MYO6: variants seen among roughly 807,000 people sequenced by gnomAD.
The protein encoded by MYO6 is unconventional myosin-VI.
Under a neutral mutation model 178.7 loss-of-function variants are expected in MYO6, and 74 were observed. That is an observed-to-expected ratio of 0.41 (90% confidence interval 0.34 to 0.50). The LOEUF is 0.50. Among genes scored for constraint, MYO6 ranks in the 20% least tolerant of loss-of-function variants. The probability of loss-of-function intolerance (pLI) is 0.09; values close to 1 mark genes in which losing one functional copy is unlikely to be tolerated. For missense variants in MYO6, 1,330 were observed against 1,547.4 expected (o/e 0.86, Z 2.36); for synonymous variants, 477 against 504.6 (o/e 0.95, Z 0.73).
rs1252268827 is a variant in MYO6, at chr6:75,877,225, G to A, written c.2078-2595G>A. 5.3e-5 allele frequency among the ~76,000 whole-genome samples: 8 copies of A among 151,354 alleles called. No homozygotes were observed. The East Asian group carries it at 5.8e-4, about 11-fold the overall frequency. On this transcript the variant is annotated intron_variant, in intron 20 of 34. Coordinates refer to ENST00000369977, the MANE Select transcript of MYO6 (RefSeq NM_004999.4). ...TGACCTCAGGTGATCCGCCTGCCTC[G>A]GCCTCCCAAAGTGCTGGGATTACAG...
intron 20 of MYO6, among the ~76,000 whole-genome samples, chr6:75,878,752 A>G (rs1328076431): frequency 6.6e-6 from 1 of 152,202 alleles, no homozygotes; most frequent in Non-Finnish European, 1.5e-5. Context: ...CGTTTGTCAT[A>G]ATACTATTTA....
chr6:75,753,219 C>T (rs142882274), intron 1 of MYO6, among the ~76,000 whole-genome samples: 2 of 152,026 alleles, frequency 1.3e-5, no homozygotes, highest in African/African-American at 4.8e-5. Context: ...GCTACCATTA[C>T]GGATTTTTTT....
chr6:75,842,050 CAT>C (rs1774284235), intron 9 of MYO6, among the ~76,000 whole-genome samples: 1 of 152,146 alleles, frequency 6.6e-6, no homozygotes, highest in South Asian at 2.1e-4. Context: ...ATAAAGGACA[CAT>C]GATTGAATTT....
At chr6:75,874,794 G>T (rs922110954) in intron 20 of MYO6, among the ~76,000 whole-genome samples, 3 of 152,086 alleles carry the variant, frequency 2.0e-5, no homozygotes, top group African/African-American at 7.2e-5. Flanking sequence ...CCAAGAATAG[G>T]TTATTGTTGC....
chr6:75,762,178 G>A (rs572601281), intron 1 of MYO6, among the ~76,000 whole-genome samples: 1 of 152,218 alleles, frequency 6.6e-6, no homozygotes, highest in African/African-American at 2.4e-5. Flanking sequence ...CTCATGATCC[G>A]CCTGCCTCGG....
intron 1 of MYO6, among the ~76,000 whole-genome samples, chr6:75,759,005 G>A (rs1208245446): frequency 6.6e-6 from 1 of 151,856 alleles, no homozygotes; most frequent in South Asian, 2.1e-4. Flanking sequence ...GAGTAGCTGG[G>A]ATCACAGGCA....
chr6:75,869,807 G>A (rs901886684), intron 18 of MYO6, among the ~76,000 whole-genome samples: 4 of 152,070 alleles, frequency 2.6e-5, no homozygotes, highest in Non-Finnish European at 4.4e-5. Context: ...TAACTGAAAT[G>A]TAAAATGTTT....
chr6:75,917,566 A>G lies in MYO6; in HGVS notation c.*2554A>G, dbSNP rs996841907. 6.6e-6 allele frequency: 1 copy of G among 152,250 alleles called. No individual in the cohort carries two copies. The allele number at this position is 152,250 out of a possible 1,614,324, so 9.4% of individuals were successfully genotyped here. A position where few individuals can be genotyped will look rare whatever the true frequency, so the allele number is the denominator to read the frequency against. On this transcript the variant is annotated 3_prime_UTR_variant, in exon 35 of 35. Transcript: ENST00000369977. ...GATGGCACCTTCTCAGAGGATTGTG[A>G]AAATATGAGGAAGAAACAAAACAGT...
chr6:75,841,381 A>G lies in MYO6; in HGVS notation c.816+3A>G. The G allele has an allele frequency of 6.2e-7, 1 of 1,613,006 alleles. No individual in the cohort carries two copies. The highest frequency in any genetic ancestry group is 8.5e-7 in the Non-Finnish European group (1 of 1,179,796). ...TGAGTTCACCAGATAATTTTCGGGT[A>G]GGTCAGAAGAAAAGAAATTTCATAT... On this transcript the variant is annotated splice_donor_region_variant and intron_variant, in intron 9 of 34. Coordinates refer to ENST00000369977, the MANE Select transcript of MYO6 (RefSeq NM_004999.4).
chr6:75,760,386 C>T (rs1777838087), intron 1 of MYO6, among the ~76,000 whole-genome samples: 1 of 151,998 alleles, frequency 6.6e-6, no homozygotes, highest in African/African-American at 2.4e-5. Context: ...ATACTCCCCC[C>T]AAAACAATTA....
intron 4 of MYO6, among the ~76,000 whole-genome samples, chr6:75,830,103 T>TC (rs1456437006): frequency 1.3e-5 from 2 of 152,152 alleles, no homozygotes; most frequent in Non-Finnish European, 2.9e-5. Context: ...TGATGCCATG[T>TC]CCCTGAGGAA....
chr6:75,770,609 C>T (rs1765781556), intron 1 of MYO6, among the ~76,000 whole-genome samples: 2 of 152,050 alleles, frequency 1.3e-5, no homozygotes, highest in East Asian at 1.9e-4. Flanking sequence ...CCTGAGTAGC[C>T]GGGATTACAA....
At chr6:75,852,009 A>G (rs942771724) in intron 11 of MYO6, among the ~76,000 whole-genome samples, 5 of 152,168 alleles carry the variant, frequency 3.3e-5, no homozygotes, top group African/African-American at 1.2e-4. Flanking sequence ...TGTTATTATA[A>G]GAAACTTTAA....
intron 1 of MYO6, among the ~76,000 whole-genome samples, chr6:75,781,414 C>T (rs149430180): frequency 3.3e-5 from 5 of 152,214 alleles, no homozygotes; most frequent in Non-Finnish European, 5.9e-5. Context: ...CTTCAGTGGC[C>T]TTTGTGCACA....
In MYO6 at chr6:75,776,707, A is replaced by C. The variant is rs1583037678; in HGVS notation, c.-48+27284A>C. Reference sequence around the variant, plus strand: ...GTATGTGTTTTGGTAGAGATGGGGTAGTGCTGTGTTTCCCAGGCTGGTCTC... The same window carrying C: ...GTATGTGTTTTGGTAGAGATGGGGTCGTGCTGTGTTTCCCAGGCTGGTCTC... On this transcript the variant is annotated intron_variant, in intron 1 of 34. Coordinates refer to ENST00000369977, the MANE Select transcript of MYO6 (RefSeq NM_004999.4). 2.0e-5 allele frequency among the ~76,000 whole-genome samples: 3 copies of C among 149,802 alleles called. No individual in the cohort carries two copies. The East Asian group carries it at 5.9e-4, about 29-fold the overall frequency.
chr6:75,841,501 C>A, intron 9 of MYO6, 123 bp downstream of exon 9: 2 of 869,404 alleles, frequency 2.3e-6, no homozygotes, highest in South Asian at 1.6e-5. Flanking sequence ...GCAGCCTGGG[C>A]AATGTAGCGA....
intron 1 of MYO6, among the ~76,000 whole-genome samples, chr6:75,780,538 T>A (rs1562146729): frequency 1.3e-5 from 2 of 152,248 alleles, no homozygotes; most frequent in Non-Finnish European, 1.5e-5. Flanking sequence ...AGGTATATGC[T>A]GGATTTGAAG....
intron 11 of MYO6, among the ~76,000 whole-genome samples, chr6:75,850,071 C>G (rs1775117239): frequency 6.6e-6 from 1 of 152,034 alleles, no homozygotes; most frequent in Non-Finnish European, 1.5e-5. Context: ...GAAGAAAACA[C>G]ATGCACAAAT....
Position 75,778,796 on chromosome 6 carries a change from C to A in MYO6, c.-48+29373C>A, listed in dbSNP as rs867107715. On this transcript the variant is annotated intron_variant, in intron 1 of 34. Coordinates refer to ENST00000369977, the MANE Select transcript of MYO6 (RefSeq NM_004999.4). ...TGGAGGCCAGCTGCAGTGGCTCACG[C>A]CTGTAATCCCAGTATTTTGAGAGGC... Among the ~76,000 whole-genome samples, 4 of 151,586 alleles carry A rather than the reference C, an allele frequency of 2.6e-5. No homozygotes were observed. In the South Asian group the frequency reaches 6.2e-4, roughly 24 times the overall value.
Sources: gnomAD v4.1 joint callset for allele counts (sites outside exome capture counted in the v4.1 genomes callset) on GRCh38, gnomAD v4.1.1 for gene constraint, MANE v1.5 for transcripts, NCBI Gene and HGNC (gene_info 2026-07-23, HGNC 2026-07-21) for gene names.